Variants in CDH23 observed in about 807,000 individuals in gnomAD.
CDH23 encodes the protein cadherin-23.
Under a neutral mutation model 317.1 loss-of-function variants are expected in CDH23, and 189 were observed. The observed-to-expected ratio is 0.60, with a 90% CI of 0.53 to 0.67. The LOEUF is 0.67. CDH23 is among the 30% of genes least tolerant of loss of function. The pLI is 0.00. For missense variants in CDH23, 4,401 were observed against 4,592.4 expected (o/e 0.96, Z 1.20); for synonymous variants, 1,839 against 1,876.8 (o/e 0.98, Z 0.52).
intron 6 of CDH23, among the ~76,000 whole-genome samples, chr10:71,555,088 A>G (rs1856805087): frequency 6.6e-6 from 1 of 152,200 alleles, no homozygotes. Context: ...TCCAGCAGCC[A>G]ATCAGACCAA....
At chr10:71,517,940 C>T (rs1854433183) in intron 6 of CDH23, among the ~76,000 whole-genome samples, 1 of 152,202 alleles carries the variant, frequency 6.6e-6, no homozygotes, top group Admixed American at 6.5e-5. Context: ...GCCCTGCTCT[C>T]TTGCGGCAGG....
At chr10:71,769,868 G>A (rs948751894) in intron 38 of CDH23, among the ~76,000 whole-genome samples, 3 of 152,218 alleles carry the variant, frequency 2.0e-5, no homozygotes, top group Admixed American at 6.5e-5. Flanking sequence ...TGAATGGACC[G>A]AATGTAAAAA....
chr10:71,475,347 G>T (rs949633642), intron 3 of CDH23, among the ~76,000 whole-genome samples: 1 of 152,200 alleles, frequency 6.6e-6, no homozygotes, highest in East Asian at 1.9e-4. Context: ...GCACTTGGGG[G>T]ATGGTCTTAG....
intron 1 of CDH23, among the ~76,000 whole-genome samples, chr10:71,408,176 T>C (rs566020797): frequency 6.6e-6 from 1 of 152,262 alleles, no homozygotes; most frequent in East Asian, 1.9e-4. Flanking sequence ...TCTTAACAAT[T>C]TGACATCCAT....
intron 11 of CDH23, among the ~76,000 whole-genome samples, chr10:71,638,754 CA>C (rs890773310): frequency 2.0e-5 from 3 of 152,214 alleles, no homozygotes; most frequent in Admixed American, 6.5e-5. Flanking sequence ...CACGCTGGGT[CA>C]GCACACGGAG....
In CDH23 at chr10:71,784,896, G is replaced by T. The variant is rs750317101; in HGVS notation, c.5508G>T (p.Leu1836=). The T allele has an allele frequency of 5.0e-6, 8 of 1,613,500 alleles. No individual in the cohort carries two copies. Among genetic ancestry groups the T allele is most frequent in the Non-Finnish European group, 6.8e-6 (8 of 1,179,428 alleles). Residue 1836 remains leucine, a synonymous_variant, in exon 43 of 70, where the codon CTG becomes CTT. Transcript: ENST00000224721. ...RGMPPLSSTM[L]VGIRVLDIND... ...TCCTTCTCTGACTGGCCCAGATGCT[G>T]GTGGGGATCCGGGTGCTGGACATCA...
intron 1 of CDH23, among the ~76,000 whole-genome samples, chr10:71,438,623 C>T (rs2132001520): frequency 6.6e-6 from 1 of 152,214 alleles, no homozygotes; most frequent in East Asian, 1.9e-4. Context: ...ATCCCTCACC[C>T]CTATATCTTG....
In CDH23 at chr10:71,799,258, T is replaced by C. The variant is rs547155689; in HGVS notation, c.7202T>C (p.Ile2401Thr). 1.2e-6 allele frequency: 2 copies of C among 1,613,916 alleles called. No homozygotes were observed. The highest frequency in any genetic ancestry group is 1.7e-6 in the Non-Finnish European group (2 of 1,179,902). ...GTGGACATCAATGACAACAACCCCA[T>C]CTTTGACCAGCCCTCCTACCAGGTG... ...EIVDINDNNP[I>T]FDQPSYQEAV... is the part of the protein sequence containing the mutation. The change falls in exon 51 of 70, where the codon ATC (isoleucine) becomes ACC (threonine). Residue 2401 changes from isoleucine (I) to threonine (T), a missense_variant. Transcript: ENST00000224721.
chr10:71,796,157 C>A, intron 48 of CDH23: 1 of 920,640 alleles, frequency 1.1e-6, no homozygotes, highest in Non-Finnish European at 1.3e-6. Context: ...GGAAGGGAAT[C>A]TCAGATACCC....
chr10:71,399,499 C>A (rs960123507), intron 1 of CDH23, among the ~76,000 whole-genome samples: 2 of 152,210 alleles, frequency 1.3e-5, no homozygotes, highest in African/African-American at 4.8e-5. Context: ...GATTAATAGT[C>A]CACCACTGGC....
intron 3 of CDH23, among the ~76,000 whole-genome samples, chr10:71,489,651 C>A (rs1852544309): frequency 1.4e-5 from 2 of 142,328 alleles, no homozygotes; most frequent in African/African-American, 2.6e-5. Context: ...TGACTGTGAG[C>A]TACTCATTTG....
At chr10:71,768,330 C>A (rs188952732) in intron 38 of CDH23, among the ~76,000 whole-genome samples, 4 of 152,236 alleles carry the variant, frequency 2.6e-5, no homozygotes, top group African/African-American at 9.6e-5. Context: ...GCCACCACGC[C>A]TGGCTAATTT....
At chr10:71,634,044 A>T (rs1862142778) in intron 11 of CDH23, among the ~76,000 whole-genome samples, 1 of 152,258 alleles carries the variant, frequency 6.6e-6, no homozygotes, top group African/African-American at 2.4e-5. Context: ...GAGGGAAATC[A>T]TTTTAGCATA....
Position 71,399,967 on chromosome 10 carries a change from G to A in CDH23, c.-6+2649G>A, listed in dbSNP as rs138435548. Among the ~76,000 whole-genome samples the A allele has an allele frequency of 6.7e-3, 1,013 of 152,126 alleles. 12 individuals are homozygous for A. The highest frequency in any genetic ancestry group is 0.023 in the African/African-American group (973 of 41,478). On this transcript the variant is annotated intron_variant, in intron 1 of 69. Transcript: ENST00000224721. ...CTGCCCCTCCCAGATGGGTGGATCA[G>A]CCAATTAATAACACCTCTCAGCGGC...
At chr10:71,608,929 G>A (rs866848843) in intron 9 of CDH23, among the ~76,000 whole-genome samples, 1 of 152,352 alleles carries the variant, frequency 6.6e-6, no homozygotes, top group South Asian at 2.1e-4. Flanking sequence ...CTCAGGGGCT[G>A]TTAGCCCAGC....
chr10:71,803,071 C>A lies in CDH23; in HGVS notation c.7656C>A (p.Gly2552=), dbSNP rs981658059. 2 of 1,528,422 alleles carry A rather than the reference C, an allele frequency of 1.3e-6. No homozygotes were observed. The highest frequency in any genetic ancestry group is 2.2e-5 in the South Asian group (2 of 89,614). 94.7% of individuals were successfully genotyped at this position (1,528,422 alleles called of 1,614,324 possible). A position where few individuals can be genotyped will look rare whatever the true frequency, so the allele number is the denominator to read the frequency against. Residue 2552 remains glycine, a synonymous_variant, in exon 54 of 70, where the codon GGC becomes GGA. Coordinates refer to ENST00000224721, the MANE Select transcript of CDH23 (RefSeq NM_022124.6). ...TGACCTACTCACTTGAGGGCCCTGG[C>A]GTGGGTATGTGGCCTTCCTTGGACA... ...GELTYSLEGP[G]VEAFHVDMDS...
rs750954981 is a variant in CDH23, at chr10:71,690,552, G to C, written c.2144G>C (p.Gly715Ala). 15 of 1,608,094 alleles carry C rather than the reference G, an allele frequency of 9.3e-6. No individual in the cohort carries two copies. Among genetic ancestry groups the C allele is most frequent in the African/African-American group, 2.7e-5 (2 of 74,874 alleles). ...GQESIIYSLE[G>A]STQFRINARS... ...GAGTCCATCATCTACTCCTTGGAAG[G>C]CTCCACCCAGTTTCGGATCAATGCC... Residue 715 changes from glycine to alanine, a missense_variant, in exon 20 of 70, where the codon GGC (glycine) becomes GCC (alanine). Transcript: ENST00000224721.
At chr10:71,554,594 T>C (rs188681298) in intron 6 of CDH23, among the ~76,000 whole-genome samples, 6 of 152,294 alleles carry the variant, frequency 3.9e-5, no homozygotes, top group African/African-American at 1.4e-4. Flanking sequence ...TCAGAGACAG[T>C]GCCCTGGAAC....
At position 71,716,278 on chromosome 10, in the gene CDH23, G is replaced by C. The variant is rs771699653; in HGVS notation, c.3369+3465G>C. The C allele has an allele frequency of 9.8e-5, 150 of 1,532,568 alleles. No individual in the cohort carries two copies. In the South Asian group the frequency reaches 1.8e-3, roughly 18 times the overall value. 94.9% of individuals were successfully genotyped at this position (1,532,568 alleles called of 1,614,324 possible). A position where few individuals can be genotyped will look rare whatever the true frequency, so the allele number is the denominator to read the frequency against. ...GGGTCCCGGGAGTGACGGGAGCTGA[G>C]AGAAAGGCGAGGGGGCTGATGGCTG... On this transcript the variant is annotated intron_variant, in intron 28 of 69. Transcript: ENST00000224721.
Sources: allele counts gnomAD v4.1 joint callset (sites outside exome capture counted in the v4.1 genomes callset), GRCh38; gene constraint gnomAD v4.1.1; transcripts MANE v1.5; gene names NCBI Gene and HGNC (gene_info 2026-07-23, HGNC 2026-07-21).